Variants in ZBTB7C observed in about 807,000 individuals in gnomAD.
The protein encoded by ZBTB7C is zinc finger and BTB domain-containing protein 7C.
Under a neutral mutation model 25.7 loss-of-function variants are expected in ZBTB7C, and 8 were observed. That is an observed-to-expected ratio of 0.31 (90% CI 0.18 to 0.56). The LOEUF is 0.56. Ranked by LOEUF, ZBTB7C falls within the 20% of genes least tolerant of loss-of-function variation. ZBTB7C has a pLI of 0.91. For synonymous variants in ZBTB7C, 394 were observed against 369.0 expected (o/e 1.07, Z -0.78); for missense variants, 824 against 855.2 (o/e 0.96, Z 0.46).
At chr18:48,160,348 C>T (rs2040968075) in intron 3 of ZBTB7C, among the ~76,000 whole-genome samples, 1 of 152,234 alleles carries the variant, frequency 6.6e-6, no homozygotes, top group Non-Finnish European at 1.5e-5. Context: ...CACATAGGTG[C>T]TATGCTAGGT....
chr18:48,359,481 T>C (rs2047054100), intron 1 of ZBTB7C, among the ~76,000 whole-genome samples: 1 of 152,132 alleles, frequency 6.6e-6, no homozygotes, highest in African/African-American at 2.4e-5. Context: ...ACATGACAGG[T>C]ACAATGCCAC....
chr18:48,222,069 C>G (rs74478239), intron 2 of ZBTB7C, among the ~76,000 whole-genome samples: 2,803 of 148,402 alleles, frequency 0.019, 89 homozygotes, highest in African/African-American at 0.065. Context: ...TGTTCCTAGA[C>G]CCCCTCTATA....
At chr18:48,374,725 G>A (rs1428851146) in intron 1 of ZBTB7C, among the ~76,000 whole-genome samples, 1 of 152,216 alleles carries the variant, frequency 6.6e-6, no homozygotes, top group African/African-American at 2.4e-5. Flanking sequence ...AAGACCCAAC[G>A]GATGGGTGCT....
rs538002601 is a variant in ZBTB7C at position 48,340,975 on chromosome 18, G to A, written c.-303-2577C>T. On this transcript the variant is annotated intron_variant, in intron 1 of 4. Coordinates refer to ENST00000590800, the MANE Select transcript of ZBTB7C (RefSeq NM_001318841.2). ...GGCAGCCCCCCTCCTCTGAGCCTGCGGTTCCTTTCTCATAAAAGAAGGAGG... is the reference window on the plus strand; with the variant it reads ...GGCAGCCCCCCTCCTCTGAGCCTGCAGTTCCTTTCTCATAAAAGAAGGAGG... Among the ~76,000 whole-genome samples, 7 of 152,232 alleles carry A rather than the reference G, an allele frequency of 4.6e-5. No homozygotes were observed. The East Asian group carries it at 9.6e-4, about 21-fold the overall frequency.
chr18:48,175,718 T>G (rs960449954), intron 3 of ZBTB7C, among the ~76,000 whole-genome samples: 1 of 152,126 alleles, frequency 6.6e-6, no homozygotes, highest in Admixed American at 6.6e-5. Context: ...AGGTGCAAGA[T>G]AAGCCTGGAA....
At chr18:48,331,792 A>C (rs2144914348) in intron 2 of ZBTB7C, among the ~76,000 whole-genome samples, 1 of 152,364 alleles carries the variant, frequency 6.6e-6, no homozygotes, top group African/African-American at 2.4e-5. Context: ...GAAAGGCTTA[A>C]GCTAGATAAA....
At chr18:48,190,626 C>T (rs970450521) in intron 2 of ZBTB7C, among the ~76,000 whole-genome samples, 3 of 152,194 alleles carry the variant, frequency 2.0e-5, no homozygotes, top group African/African-American at 7.2e-5. Flanking sequence ...CAGAAGGGAA[C>T]AGCCACTAGA....
intron 1 of ZBTB7C, among the ~76,000 whole-genome samples, chr18:48,349,896 C>G (rs1429386944): frequency 1.3e-5 from 2 of 152,200 alleles, no homozygotes. Flanking sequence ...TTTGTGGCCC[C>G]TGCACCTAGC....
chr18:48,399,169 T>G (rs2048101819), intron 1 of ZBTB7C, among the ~76,000 whole-genome samples: 1 of 152,214 alleles, frequency 6.6e-6, no homozygotes, highest in South Asian at 2.1e-4. Context: ...AAAAATACCA[T>G]GCGCATGGAT....
chr18:48,103,314 A>G (rs1797560897), intron 3 of ZBTB7C, among the ~76,000 whole-genome samples: 2 of 152,130 alleles, frequency 1.3e-5, no homozygotes, highest in African/African-American at 4.8e-5. Context: ...GGGCTCTGGC[A>G]AAGACAAAAG....
At chr18:48,090,185 G>T (rs1304810323) in intron 3 of ZBTB7C, among the ~76,000 whole-genome samples, 2 of 152,224 alleles carry the variant, frequency 1.3e-5, no homozygotes, top group Non-Finnish European at 2.9e-5. Flanking sequence ...TCATAAAAGG[G>T]AAAGGTGAGA....
intron 3 of ZBTB7C, among the ~76,000 whole-genome samples, chr18:48,135,692 G>C (rs1167547568): frequency 6.6e-6 from 1 of 152,154 alleles, no homozygotes; most frequent in Non-Finnish European, 1.5e-5. Context: ...GGGAACGGAG[G>C]GAGTGGAGCT....
intron 2 of ZBTB7C, among the ~76,000 whole-genome samples, chr18:48,267,305 AGGCATGTGTTCACTGC>A (rs2044343405): frequency 6.6e-6 from 1 of 152,206 alleles, no homozygotes; most frequent in Non-Finnish European, 1.5e-5. Flanking sequence ...GCATCAGATA[AGGCATGTGTTCACTGC>A]TTGACAGCAA....
chr18:48,389,296 TG>T (rs2047839947), intron 1 of ZBTB7C, among the ~76,000 whole-genome samples: 1 of 130,056 alleles, frequency 7.7e-6, no homozygotes, highest in Non-Finnish European at 1.6e-5. Flanking sequence ...TGTGAGCACC[TG>T]AGGGTCTATA....
intron 1 of ZBTB7C, among the ~76,000 whole-genome samples, chr18:48,405,810 G>A (rs1038325321): frequency 4.7e-5 from 7 of 149,704 alleles, no homozygotes; most frequent in African/African-American, 1.7e-4. Flanking sequence ...GCAGGATGCT[G>A]CACACAGGCT....
chr18:48,271,057 C>A (rs2044472080), intron 2 of ZBTB7C, among the ~76,000 whole-genome samples: 1 of 152,046 alleles, frequency 6.6e-6, no homozygotes, highest in Non-Finnish European at 1.5e-5. Flanking sequence ...GAAATAAAAA[C>A]CTGCATACAT....
intron 3 of ZBTB7C, 140 bp from the exon 4 acceptor site, chr18:48,041,263 G>T: frequency 7.1e-7 from 1 of 1,408,402 alleles, no homozygotes; most frequent in Non-Finnish European, 9.2e-7. Flanking sequence ...TCTTAGCCTT[G>T]CCAAATCTCA....
chr18:48,394,125 C>A (rs941046731), intron 1 of ZBTB7C, among the ~76,000 whole-genome samples: 5 of 152,224 alleles, frequency 3.3e-5, no homozygotes, highest in African/African-American at 1.2e-4. Flanking sequence ...GAATAGACTT[C>A]AAGTTGGCAT....
chr18:48,165,297 T>C (rs745619417), intron 3 of ZBTB7C: 17 of 462,542 alleles, frequency 3.7e-5, no homozygotes, highest in South Asian at 2.5e-4. Flanking sequence ...TCCTCATGCA[T>C]TCGAATCTAA....
Sources: gnomAD v4.1 joint callset for allele counts (sites outside exome capture counted in the v4.1 genomes callset) on GRCh38, gnomAD v4.1.1 for gene constraint, MANE v1.5 for transcripts, NCBI Gene and HGNC (gene_info 2026-07-23, HGNC 2026-07-21) for gene names.